ASTN2: variants seen among roughly 807,000 people sequenced by gnomAD.
ASTN2 encodes the protein astrotactin-2.
Under a neutral mutation model 139.8 loss-of-function variants are expected in ASTN2, and 54 were observed. The observed-to-expected ratio is 0.39, with a 90% confidence interval of 0.31 to 0.48. The LOEUF (loss-of-function observed/expected upper bound fraction) is 0.48, where lower values mean the gene tolerates loss of function less well. ASTN2 is among the 20% of genes least tolerant of loss of function. The probability of loss-of-function intolerance (pLI) is 0.95; values close to 1 mark genes in which losing one functional copy is unlikely to be tolerated. For synonymous variants in ASTN2, 756 were observed against 719.5 expected, an observed-to-expected ratio of 1.05 and a Z score of -0.81; for missense variants, 1,565 against 1,725.1, an observed-to-expected ratio of 0.91 and a Z score of 1.64.
intron 2 of ASTN2, among the ~76,000 whole-genome samples, chr9:117,233,085 T>C (rs1487970934): frequency 6.6e-6 from 1 of 152,150 alleles, no homozygotes; most frequent in Admixed American, 6.6e-5. Context: ...GGAGCTTGCG[T>C]TCTTCCAGTT....
At chr9:117,305,840 C>A (rs1447126268) in intron 1 of ASTN2, among the ~76,000 whole-genome samples, 1 of 152,240 alleles carries the variant, frequency 6.6e-6, no homozygotes, top group East Asian at 1.9e-4. Flanking sequence ...CCACAGGTAA[C>A]AATGCTGAGT....
intron 5 of ASTN2, 95 bp downstream of exon 5, chr9:117,095,949 G>C (rs1020448557): frequency 6.0e-6 from 7 of 1,173,508 alleles, no homozygotes; most frequent in Non-Finnish European, 7.5e-6. Flanking sequence ...GACCAGGTTA[G>C]AGAAGATTTA....
At chr9:117,279,958 C>T (rs1027508514) in intron 2 of ASTN2, among the ~76,000 whole-genome samples, 4 of 152,088 alleles carry the variant, frequency 2.6e-5, no homozygotes, top group Non-Finnish European at 4.4e-5. Context: ...ATTTTTTTCA[C>T]TAATGTCCTT....
At chr9:116,798,744 C>A (rs937545419) in intron 13 of ASTN2, among the ~76,000 whole-genome samples, 2 of 152,192 alleles carry the variant, frequency 1.3e-5, no homozygotes, top group African/African-American at 4.8e-5. Flanking sequence ...AAGTTTGTTT[C>A]TCACTATGAA....
intron 1 of ASTN2, among the ~76,000 whole-genome samples, chr9:117,345,023 G>A (rs2226004): frequency 9.6e-4 from 146 of 152,258 alleles, no homozygotes; most frequent in African/African-American, 3.2e-3. Flanking sequence ...TAAATGAAAG[G>A]ACCCAGGAAT....
chr9:117,366,394 G>A (rs1172989040), intron 1 of ASTN2, among the ~76,000 whole-genome samples: 1 of 152,146 alleles, frequency 6.6e-6, no homozygotes, highest in East Asian at 1.9e-4. Flanking sequence ...GTGGGAAGCA[G>A]AGCAGAAATT....
intron 14 of ASTN2, among the ~76,000 whole-genome samples, chr9:116,732,727 A>G (rs1828821158): frequency 6.6e-6 from 1 of 152,216 alleles, no homozygotes. Flanking sequence ...GCAAAAGGCA[A>G]CTTCCCAGTG....
At position 116,863,653 on chromosome 9, in the gene ASTN2, C is replaced by T. The variant is rs139458000; in HGVS notation, c.1970G>A (p.Arg657Gln). The T allele has an allele frequency of 1.5e-4, 249 of 1,614,156 alleles. No homozygotes were observed. Among genetic ancestry groups the T allele is most frequent in the African/African-American group, 9.6e-4 (72 of 75,048 alleles). The stretch of plus-strand genomic sequence containing the variant: ...GTTGCGAGTGCAGCCCCCATTGTTC[C>T]GAGAGCAGTCACGAACTGGCCCGAA... Reference protein sequence around the residue: ...SSFGPVRDCSRNNGGCTRNFK... With the variant: ...SSFGPVRDCSQNNGGCTRNFK... Residue 657 changes from arginine (R) to glutamine (Q), a missense_variant, in exon 11 of 23, where the codon CGG (arginine) becomes CAG (glutamine). Around this residue, in one of 4 missense-constraint regions of ASTN2, gnomAD observed 503 missense variants for 591.7 expected, o/e 0.85. Coordinates refer to ENST00000313400, the MANE Select transcript of ASTN2 (RefSeq NM_001365068.1).
At chr9:116,907,556 G>A (rs1191104053) in intron 10 of ASTN2, among the ~76,000 whole-genome samples, 2 of 152,192 alleles carry the variant, frequency 1.3e-5, no homozygotes, top group Admixed American at 6.5e-5. Flanking sequence ...AAGGCTAAAT[G>A]GGGGCTATAT....
chr9:116,997,885 T>C (rs939292532), intron 7 of ASTN2, among the ~76,000 whole-genome samples: 6 of 152,196 alleles, frequency 3.9e-5, no homozygotes, highest in South Asian at 2.1e-4. Flanking sequence ...CAAAATTCCA[T>C]TGTACCTCTT....
At chr9:116,966,553 G>A (rs1017325518) in intron 10 of ASTN2, among the ~76,000 whole-genome samples, 1 of 152,110 alleles carries the variant, frequency 6.6e-6, no homozygotes, top group African/African-American at 2.4e-5. Flanking sequence ...GATTGCTAAG[G>A]TAAAATGGGG....
At chr9:116,961,810 A>G (rs1032349172) in intron 10 of ASTN2, among the ~76,000 whole-genome samples, 6 of 152,246 alleles carry the variant, frequency 3.9e-5, no homozygotes, top group Admixed American at 1.3e-4. Flanking sequence ...GTTTAAAAAT[A>G]TCCTAATGAA....
chr9:117,383,856 C>T (rs1168385570), intron 1 of ASTN2, among the ~76,000 whole-genome samples: 1 of 152,164 alleles, frequency 6.6e-6, no homozygotes, highest in Non-Finnish European at 1.5e-5. Context: ...TTACGCTCAG[C>T]TCCCTTCTAT....
chr9:116,733,648 C>T, intron 13 of ASTN2, 125 bp from the exon 14 acceptor site: 1 of 1,238,192 alleles, frequency 8.1e-7, no homozygotes, highest in South Asian at 1.4e-5. Flanking sequence ...GCTGTAATGC[C>T]TCTGGTTTCC....
chr9:116,647,533 C>T (rs1197237058), intron 17 of ASTN2, among the ~76,000 whole-genome samples: 1 of 152,126 alleles, frequency 6.6e-6, no homozygotes, highest in Admixed American at 6.5e-5. Context: ...GCATGGAATC[C>T]AGACATAGGG....
intron 5 of ASTN2, among the ~76,000 whole-genome samples, chr9:117,050,657 T>C (rs1233504141): frequency 6.6e-6 from 1 of 152,148 alleles, no homozygotes; most frequent in Non-Finnish European, 1.5e-5. Flanking sequence ...CCGAGACCTA[T>C]TGATACTCAA....
At chr9:117,040,109 G>T in intron 5 of ASTN2, 144 bp from the exon 6 acceptor site, 1 of 1,005,918 alleles carries the variant, frequency 9.9e-7, no homozygotes, top group Non-Finnish European at 1.4e-6. Context: ...TCTAACCTTT[G>T]TGCCTGCTAT....
intron 5 of ASTN2, among the ~76,000 whole-genome samples, chr9:117,048,106 A>G (rs767282040): frequency 1.3e-5 from 2 of 152,198 alleles, no homozygotes; most frequent in South Asian, 2.1e-4. Context: ...GCTCTTAACC[A>G]TCATCCTTCA....
At chr9:117,047,581 T>C (rs1838781707) in intron 5 of ASTN2, among the ~76,000 whole-genome samples, 1 of 152,222 alleles carries the variant, frequency 6.6e-6, no homozygotes, top group South Asian at 2.1e-4. Context: ...TCAGATAGTT[T>C]AATGTCTAAA....
Sources: gnomAD v4.1 joint callset for allele counts (sites outside exome capture counted in the v4.1 genomes callset) on GRCh38, gnomAD v4.1.1 for gene constraint, gnomAD v4.1.1 regional missense constraint, MANE v1.5 for transcripts, NCBI Gene and HGNC (gene_info 2026-07-23, HGNC 2026-07-21) for gene names.